The following AK9 variants were observed in gnomAD, a reference collection of about 807,000 sequenced individuals.
AK9 encodes the protein adenylate kinase 9.
A neutral mutation model predicts 239.6 loss-of-function variants in AK9; 191 were observed. The observed-to-expected ratio is 0.80, with a 90% CI of 0.71 to 0.90. The LOEUF (loss-of-function observed/expected upper bound fraction) is 0.90. Ranked by LOEUF, AK9 falls within the 40% of genes least tolerant of loss-of-function variation. The pLI is 0.00. For missense variants in AK9, 1,995 were observed against 2,214.7 expected, an observed-to-expected ratio of 0.90 and a Z score of 1.99; for synonymous variants, 689 against 721.0, an observed-to-expected ratio of 0.96 and a Z score of 0.71.
Position 109,514,195 on chromosome 6 carries a change from G to A in AK9, c.4279+29C>T, listed in dbSNP as rs1003524460. 2.3e-5 allele frequency: 36 copies of A among 1,533,718 alleles called. No homozygotes were observed. The African/African-American group carries it at 4.4e-4, about 19-fold the overall frequency. ...GGTACAAGCAGATTCTTTTATGCTTGAGGAAAACAAAGGCAAACATACGCT... is the reference window on the plus strand; with the variant it reads ...GGTACAAGCAGATTCTTTTATGCTTAAGGAAAACAAAGGCAAACATACGCT... On this transcript the variant is annotated intron_variant, in intron 32 of 40. Coordinates refer to ENST00000424296, the MANE Select transcript of AK9 (RefSeq NM_001145128.3).
At chr6:109,607,810 T>C (rs900040542) in intron 17 of AK9, among the ~76,000 whole-genome samples, 1 of 141,570 alleles carries the variant, frequency 7.1e-6, no homozygotes, top group Non-Finnish European at 1.5e-5. Context: ...TGTGTGAAAA[T>C]TGAGTAGCTC....
intron 17 of AK9, among the ~76,000 whole-genome samples, chr6:109,600,018 C>T (rs1277469333): frequency 2.6e-5 from 4 of 151,938 alleles, no homozygotes; most frequent in Non-Finnish European, 4.4e-5. Context: ...TCATGTCATC[C>T]ACAAACAGGG....
rs117468988 is a variant in AK9 at position 109,669,741 on chromosome 6, C to A, written c.331+2178G>T. ...TGAGAGCAAACATCAGGATGAGACGCCTTGCTGGGAATTTGGGCAAAGATT... is the reference window on the plus strand; with the variant it reads ...TGAGAGCAAACATCAGGATGAGACGACTTGCTGGGAATTTGGGCAAAGATT... On this transcript the variant is annotated intron_variant, in intron 5 of 40. Coordinates refer to ENST00000424296, the MANE Select transcript of AK9 (RefSeq NM_001145128.3). Among the ~76,000 whole-genome samples the A allele has an allele frequency of 8.5e-3, 1,299 of 152,256 alleles. 16 individuals carry two copies. The highest frequency in any genetic ancestry group is 0.051 in the Middle Eastern group (15 of 294).
intron 8 of AK9, among the ~76,000 whole-genome samples, chr6:109,645,579 C>G (rs1356906995): frequency 8.3e-6 from 1 of 120,930 alleles, no homozygotes; most frequent in South Asian, 4.3e-4. Context: ...TGGAGCCCAC[C>G]ACAGCTCAAC....
chr6:109,564,332 T>G lies in AK9; in HGVS notation c.2435-52A>C, dbSNP rs530896454. On this transcript the variant is annotated intron_variant, in intron 22 of 40. Coordinates refer to ENST00000424296, the MANE Select transcript of AK9 (RefSeq NM_001145128.3). Reference sequence around the variant, plus strand: ...AAAAAGGGGCTTTAAATATCCTATCTTTAGCCATATTGCCAAAATAGCTTA... The same window carrying G: ...AAAAAGGGGCTTTAAATATCCTATCGTTAGCCATATTGCCAAAATAGCTTA... 2.2e-5 allele frequency: 31 copies of G among 1,400,196 alleles called. No individual in the cohort carries two copies. In the South Asian group the frequency reaches 4.1e-4, roughly 19 times the overall value. 86.7% of individuals were successfully genotyped at this position (1,400,196 alleles called of 1,614,324 possible).
At position 109,690,731 on chromosome 6, in the gene AK9, T is replaced by C. The variant is rs374264981; in HGVS notation, c.-12+416A>G. On this transcript the variant is annotated intron_variant, in intron 1 of 40. Transcript: ENST00000424296. ...GAGGGTACGCGCATGCCCATTTATG[T>C]CGCACACATGAAATGAAGAAACCTC... 2.0e-5 allele frequency: 3 copies of C among 152,512 alleles called. No homozygotes were observed. In the South Asian group the frequency reaches 6.2e-4, roughly 31 times the overall value. The allele number at this position is 152,512 out of a possible 1,614,324, so 9.4% of individuals were successfully genotyped here. A position where few individuals can be genotyped will look rare whatever the true frequency, so the allele number is the denominator to read the frequency against.
At chr6:109,502,280 T>C (rs1777675366) in intron 35 of AK9, among the ~76,000 whole-genome samples, 1 of 152,188 alleles carries the variant, frequency 6.6e-6, no homozygotes, top group Non-Finnish European at 1.5e-5. Context: ...GTACCCCCAG[T>C]ACCCATGAAT....
chr6:109,604,772 A>G (rs1792614183), intron 17 of AK9, among the ~76,000 whole-genome samples: 1 of 152,236 alleles, frequency 6.6e-6, no homozygotes, highest in South Asian at 2.1e-4. Context: ...TATCAAATCT[A>G]TAAATTGAGA....
intron 17 of AK9, among the ~76,000 whole-genome samples, chr6:109,587,019 G>T (rs1296100476): frequency 2.6e-5 from 4 of 151,980 alleles, no homozygotes; most frequent in African/African-American, 9.7e-5. Flanking sequence ...TGTTGTCGAG[G>T]CTGGTTTAGA....
intron 8 of AK9, 152 bp from the exon 9 acceptor site, chr6:109,644,840 T>C: frequency 1.8e-6 from 1 of 565,534 alleles, no homozygotes; most frequent in East Asian, 3.3e-5. Context: ...GCTCAAGAGA[T>C]CTTTTGCAAA....
chr6:109,614,610 C>G, intron 13 of AK9, 130 bp from the exon 14 acceptor site: 1 of 696,918 alleles, frequency 1.4e-6, no homozygotes, highest in South Asian at 1.8e-5. Context: ...GCTGTAAGGG[C>G]TGTGTGACTT....
intron 35 of AK9, among the ~76,000 whole-genome samples, chr6:109,501,799 T>C (rs1426528746): frequency 6.6e-6 from 1 of 152,202 alleles, no homozygotes; most frequent in African/African-American, 2.4e-5. Context: ...GACCATATCA[T>C]TAGGTTCTGG....
At chr6:109,664,870 T>TA (rs1238437860) in intron 5 of AK9, among the ~76,000 whole-genome samples, 2,050 of 149,020 alleles carry the variant, frequency 0.014, 37 homozygotes, top group African/African-American at 0.048. Context: ...CCATCTCTAC[T>TA]AAAAAAAAAA....
At chr6:109,654,343 T>A (rs9968792) in intron 8 of AK9, among the ~76,000 whole-genome samples, 106,541 of 150,120 alleles carry the variant, frequency 0.71, 38,283 homozygotes, top group East Asian at 0.97. Flanking sequence ...ATATATATAT[T>A]TTTTTTCTTT....
At chr6:109,498,959 G>A (rs1777335971) in intron 36 of AK9, 85 bp downstream of exon 36, 3 of 1,198,056 alleles carry the variant, frequency 2.5e-6, no homozygotes, top group Non-Finnish European at 3.3e-6. Flanking sequence ...CCAAGTTTCT[G>A]GGTGCCTATC....
At chr6:109,526,475 C>T (rs1582842126) in intron 29 of AK9, among the ~76,000 whole-genome samples, 1 of 151,980 alleles carries the variant, frequency 6.6e-6, no homozygotes, top group South Asian at 2.1e-4. Context: ...CTCAGAGAGA[C>T]AGGACTAGAT....
At chr6:109,577,194 A>G (rs1162446363) in intron 20 of AK9, among the ~76,000 whole-genome samples, 1 of 152,104 alleles carries the variant, frequency 6.6e-6, no homozygotes, top group Non-Finnish European at 1.5e-5. Flanking sequence ...GGTTTTAATC[A>G]TAAAGGGGTG....
chr6:109,561,236 G>T (rs953369755), intron 24 of AK9, among the ~76,000 whole-genome samples: 6 of 152,138 alleles, frequency 3.9e-5, no homozygotes, highest in African/African-American at 1.2e-4. Context: ...ACAGGCGTGA[G>T]CCACCATGCC....
Position 109,516,399 on chromosome 6 carries a change from G to C in AK9, c.3846+31C>G, listed in dbSNP as rs564899662. 3 of 1,514,230 alleles carry C rather than the reference G, an allele frequency of 2.0e-6. No homozygotes were observed. The South Asian group carries it at 3.6e-5, about 18-fold the overall frequency. The allele number at this position is 1,514,230 out of a possible 1,614,324, so 93.8% of individuals were successfully genotyped here. On this transcript the variant is annotated intron_variant, in intron 30 of 40. Coordinates refer to ENST00000424296, the MANE Select transcript of AK9 (RefSeq NM_001145128.3). ...AGTCTGATTCTCAAATATTACTTTT[G>C]AATTATAAAAAGCAAAGGAAAAGTA...
Sources: allele counts gnomAD v4.1 joint callset (sites outside exome capture counted in the v4.1 genomes callset), GRCh38; gene constraint gnomAD v4.1.1; transcripts MANE v1.5; gene names NCBI Gene and HGNC (gene_info 2026-07-23, HGNC 2026-07-21).